Variants in GREB1 observed in about 807,000 individuals in gnomAD.
The protein encoded by GREB1 is growth regulating estrogen receptor binding 1.
In GREB1, 106 loss-of-function variants were observed where a neutral mutation model predicts 200.7. The ratio of observed to expected loss-of-function variants is 0.53; its 90% CI spans 0.45 to 0.62. The LOEUF (loss-of-function observed/expected upper bound fraction) is 0.62. Ranked by LOEUF, GREB1 falls within the 20% of genes least tolerant of loss-of-function variation. The pLI, the probability that GREB1 is intolerant of heterozygous loss-of-function variation, is 0.00. For synonymous variants in GREB1, 1,132 were observed against 1,092.4 expected, an observed-to-expected ratio of 1.04 and a Z score of -0.72; for missense variants, 2,243 against 2,556.8, an observed-to-expected ratio of 0.88 and a Z score of 2.65.
intron 1 of GREB1, among the ~76,000 whole-genome samples, chr2:11,516,342 G>C (rs1673499178): frequency 1.3e-5 from 2 of 151,750 alleles, no homozygotes; most frequent in African/African-American, 4.9e-5. Flanking sequence ...GTGTGTGTGT[G>C]TGTGTGCACG....
intron 1 of GREB1, among the ~76,000 whole-genome samples, chr2:11,536,474 C>G (rs1401592766): frequency 6.6e-6 from 1 of 152,142 alleles, no homozygotes; most frequent in Non-Finnish European, 1.5e-5. Context: ...GACTTTTCTG[C>G]TTTTTGAAAG....
At chr2:11,496,662 T>C (rs866928010) in intron 1 of GREB1, among the ~76,000 whole-genome samples, 3 of 152,194 alleles carry the variant, frequency 2.0e-5, no homozygotes, top group Non-Finnish European at 4.4e-5. Flanking sequence ...TAAATTTTAA[T>C]TCAAATTTTT....
chr2:11,560,490 C>G (rs911611560), intron 2 of GREB1, among the ~76,000 whole-genome samples: 1 of 152,236 alleles, frequency 6.6e-6, no homozygotes, highest in African/African-American at 2.4e-5. Flanking sequence ...CACCTGAGAT[C>G]AGGAGTTTGA....
intron 1 of GREB1, among the ~76,000 whole-genome samples, chr2:11,510,519 C>T (rs2148448332): frequency 6.6e-6 from 1 of 152,216 alleles, no homozygotes; most frequent in African/African-American, 2.4e-5. Context: ...TTTTCCTAAT[C>T]AACGATTTGG....
chr2:11,588,687 G>T (rs1351093700), intron 9 of GREB1, 59 bp from the exon 10 acceptor site: 3 of 1,481,592 alleles, frequency 2.0e-6, no homozygotes, highest in African/African-American at 2.8e-5. Context: ...GAACCCACAT[G>T]TATGGGACCG....
chr2:11,510,090 C>T (rs1673307132), intron 1 of GREB1, among the ~76,000 whole-genome samples: 1 of 152,142 alleles, frequency 6.6e-6, no homozygotes, highest in Admixed American at 6.5e-5. Context: ...TTGAAAACAT[C>T]CAGTCGCTGT....
upstream of GREB1, among the ~76,000 whole-genome samples, chr2:11,530,751 A>G (rs927944493): frequency 6.6e-5 from 10 of 152,164 alleles, no homozygotes; most frequent in Non-Finnish European, 1.2e-4. Flanking sequence ...CATGTGGTGC[A>G]TGGTGTTCAT....
chr2:11,596,032 C>A, intron 12 of GREB1, 79 bp from the exon 13 acceptor site: 1 of 1,411,924 alleles, frequency 7.1e-7, no homozygotes, highest in Non-Finnish European at 9.8e-7. Flanking sequence ...CGGGACAGTA[C>A]CTGACACTAA....
chr2:11,489,878 G>T (rs1472323771), intron 1 of GREB1, among the ~76,000 whole-genome samples: 2 of 151,682 alleles, frequency 1.3e-5, no homozygotes, highest in Non-Finnish European at 2.9e-5. Flanking sequence ...GCTTGTTAAG[G>T]CTGAGCAGTA....
Position 11,640,501 on chromosome 2 carries a change from C to T in GREB1, c.*47C>T. The stretch of plus-strand genomic sequence containing the variant: ...TGAAGAGATGAGTGCTCAGAGCCCT[C>T]ATGCTGTTGAGGCTAAAGGGAGGCC... On this transcript the variant is annotated 3_prime_UTR_variant, in exon 33 of 33. Transcript: ENST00000381486. The surrounding 1 kb of genome is among the most constrained non-coding windows in gnomAD (Gnocchi z 4.6). 6.2e-7 allele frequency: 1 copy of T among 1,604,452 alleles called. No homozygotes were observed. The highest frequency in any genetic ancestry group is 8.5e-7 in the Non-Finnish European group (1 of 1,172,540).
chr2:11,610,577 G>C, intron 17 of GREB1, 111 bp from the exon 18 acceptor site: 1 of 769,278 alleles, frequency 1.3e-6, no homozygotes, highest in Non-Finnish European at 2.1e-6. Context: ...ACACAACTGC[G>C]TATAATGCCG....
chr2:11,515,059 C>A (rs1457751820), intron 1 of GREB1, among the ~76,000 whole-genome samples: 2 of 151,800 alleles, frequency 1.3e-5, no homozygotes, highest in African/African-American at 4.8e-5. Flanking sequence ...TCCATCCACA[C>A]ATGTATCCAT....
chr2:11,619,065 G>A (rs1376893014), intron 22 of GREB1, 146 bp downstream of exon 22: 18 of 850,222 alleles, frequency 2.1e-5, no homozygotes, highest in Non-Finnish European at 3.1e-5. Context: ...GCCTGGGGTG[G>A]ACCGGAGGGA....
At chr2:11,551,013 A>G (rs561952464) in intron 1 of GREB1, among the ~76,000 whole-genome samples, 66 of 152,316 alleles carry the variant, frequency 4.3e-4, no homozygotes, top group African/African-American at 1.6e-3. Flanking sequence ...CGAGTCCTCT[A>G]AAGGACACAG....
upstream of GREB1, among the ~76,000 whole-genome samples, chr2:11,529,887 A>T (rs1417978985): frequency 6.6e-6 from 1 of 152,196 alleles, no homozygotes. Context: ...TGTAAAACTA[A>T]ACAAAACTAA....
At chr2:11,570,529 T>G (rs1223752482) in intron 4 of GREB1, among the ~76,000 whole-genome samples, 7 of 152,162 alleles carry the variant, frequency 4.6e-5, no homozygotes, top group Non-Finnish European at 2.9e-5. Flanking sequence ...TATACTTTTT[T>G]TTTTTTAAAG....
chr2:11,551,501 C>T (rs954967174), intron 1 of GREB1, among the ~76,000 whole-genome samples: 1 of 152,198 alleles, frequency 6.6e-6, no homozygotes, highest in Non-Finnish European at 1.5e-5. Context: ...GAGTGTCTGT[C>T]GCCTATACAA....
intron 1 of GREB1, among the ~76,000 whole-genome samples, chr2:11,487,503 A>G (rs1053305353): frequency 3.3e-5 from 5 of 152,170 alleles, no homozygotes; most frequent in Non-Finnish European, 5.9e-5. Flanking sequence ...CAAGCCATAG[A>G]TGTTCAAAAC....
chr2:11,581,968 C>T (rs1488024085), intron 7 of GREB1, among the ~76,000 whole-genome samples: 4 of 152,248 alleles, frequency 2.6e-5, no homozygotes, highest in African/African-American at 9.6e-5. Flanking sequence ...AAACCCACAG[C>T]AGCCAAGACC....
Sources: allele counts gnomAD v4.1 joint callset (sites outside exome capture counted in the v4.1 genomes callset), GRCh38; gene constraint gnomAD v4.1.1; non-coding constraint Gnocchi (gnomAD v3.1); transcripts MANE v1.5; gene names NCBI Gene and HGNC (gene_info 2026-07-23, HGNC 2026-07-21).